PPP1CB: variants seen among roughly 807,000 people sequenced by gnomAD.
PPP1CB encodes serine/threonine-protein phosphatase PP1-beta catalytic subunit.
In PPP1CB, 2 loss-of-function variants were observed where a neutral mutation model predicts 43.7. The ratio of observed to expected loss-of-function variants is 0.05; its 90% CI spans 0.02 to 0.14. PPP1CB has a LOEUF of 0.14. PPP1CB is among the 10% of genes least tolerant of loss of function. The pLI, the probability that PPP1CB is intolerant of heterozygous loss-of-function variation, is 1.00. For missense variants in PPP1CB, 84 were observed against 398.0 expected (o/e 0.21, Z 6.71); for synonymous variants, 136 against 135.6 (o/e 1.00, Z -0.02).
chr2:28,786,620 T>A (rs1035384556), intron 5 of PPP1CB, among the ~76,000 whole-genome samples: 1 of 151,562 alleles, frequency 6.6e-6, no homozygotes, highest in Non-Finnish European at 1.5e-5. Context: ...CCATCTCTAC[T>A]AAAAATTCGC....
intron 1 of PPP1CB, among the ~76,000 whole-genome samples, chr2:28,764,662 C>G (rs181258182): frequency 6.6e-6 from 1 of 151,860 alleles, no homozygotes; most frequent in Non-Finnish European, 1.5e-5. Flanking sequence ...TACCAGTGGT[C>G]AGTGAAGATT....
At chr2:28,761,170 G>C (rs549360641) in intron 1 of PPP1CB, among the ~76,000 whole-genome samples, 1 of 152,292 alleles carries the variant, frequency 6.6e-6, no homozygotes, top group South Asian at 2.1e-4. Context: ...GATTACTGGG[G>C]TGAGCCACCG....
At chr2:28,754,957 G>A (rs1226990662) in intron 1 of PPP1CB, among the ~76,000 whole-genome samples, 1 of 152,134 alleles carries the variant, frequency 6.6e-6, no homozygotes, top group Non-Finnish European at 1.5e-5. Flanking sequence ...GTATTAAATC[G>A]CAGATCAGCT....
chr2:28,757,694 A>G (rs905317636), intron 1 of PPP1CB, among the ~76,000 whole-genome samples: 10 of 152,174 alleles, frequency 6.6e-5, no homozygotes, highest in Non-Finnish European at 5.9e-5. Context: ...GAGGAGACAT[A>G]AGGTCGTGGC....
Position 28,785,013 on chromosome 2 carries a change from G to T in PPP1CB, c.592+1035G>T, listed in dbSNP as rs1485361647. Among the ~76,000 whole-genome samples, 91 of 144,192 alleles carry T rather than the reference G, an allele frequency of 6.3e-4. 1 individual carries two copies. The highest frequency in any genetic ancestry group is 2.2e-3 in the African/African-American group (88 of 39,204). The allele number at this position is 144,192 out of a possible 152,430, so 94.6% of individuals were successfully genotyped here. On this transcript the variant is annotated intron_variant, in intron 5 of 7. Coordinates refer to ENST00000395366, the MANE Select transcript of PPP1CB (RefSeq NM_002709.3). The stretch of plus-strand genomic sequence containing the variant: ...CCATTATAAATGGTATAGATCCTCT[G>T]ATGTCAGTAGCCATGTAATACACTG...
intron 1 of PPP1CB, among the ~76,000 whole-genome samples, chr2:28,761,572 C>T (rs2148457743): frequency 6.6e-6 from 1 of 152,272 alleles, no homozygotes; most frequent in Non-Finnish European, 1.5e-5. Flanking sequence ...GCTCTTTGTG[C>T]CACTGAGTCC....
intron 1 of PPP1CB, among the ~76,000 whole-genome samples, chr2:28,766,701 C>A (rs1666783843): frequency 6.6e-6 from 1 of 152,168 alleles, no homozygotes; most frequent in Non-Finnish European, 1.5e-5. Flanking sequence ...AACCATTTGG[C>A]TTGTTTTTTA....
chr2:28,783,786 C>A (rs1667205562), intron 4 of PPP1CB, 121 bp from the exon 5 acceptor site: 5 of 644,452 alleles, frequency 7.8e-6, no homozygotes, highest in Admixed American at 2.9e-5. Context: ...AAAAGGAACA[C>A]TTTTCAGTAT....
chr2:28,778,298 C>T (rs900923202), intron 2 of PPP1CB: 30 of 464,790 alleles, frequency 6.5e-5, no homozygotes, highest in South Asian at 4.7e-4. Context: ...CATTCCAAAA[C>T]TTTGTGGCTT....
intron 5 of PPP1CB, among the ~76,000 whole-genome samples, chr2:28,785,750 G>A (rs573427358): frequency 5.3e-5 from 8 of 152,170 alleles, no homozygotes; most frequent in East Asian, 1.9e-4. Context: ...TTGAGGCTGC[G>A]GTGACCTGTG....
chr2:28,776,176 A>C (rs554405809), intron 1 of PPP1CB, among the ~76,000 whole-genome samples: 1 of 149,990 alleles, frequency 6.7e-6, no homozygotes, highest in East Asian at 1.9e-4. Flanking sequence ...ACTAGATGCG[A>C]GATAAGCAGG....
chr2:28,785,065 CTTTT>C (rs769650329), intron 5 of PPP1CB, among the ~76,000 whole-genome samples: 68 of 54,964 alleles, frequency 1.2e-3, no homozygotes, highest in South Asian at 3.4e-3. Context: ...GTGTTAGGAG[CTTTT>C]TTTTTTTTTT....
chr2:28,796,276 C>G (rs1157386558), intron 7 of PPP1CB, among the ~76,000 whole-genome samples: 1 of 152,078 alleles, frequency 6.6e-6, no homozygotes, highest in Non-Finnish European at 1.5e-5. Context: ...TATTCGGGCT[C>G]TTTTTCAATT....
chr2:28,787,660 G>A (rs1453481845), intron 5 of PPP1CB, among the ~76,000 whole-genome samples: 2 of 152,134 alleles, frequency 1.3e-5, no homozygotes, highest in Non-Finnish European at 2.9e-5. Flanking sequence ...TACTGCCCTT[G>A]TTCATGGCAC....
chr2:28,783,756 C>T (rs1188126035), intron 4 of PPP1CB, 151 bp from the exon 5 acceptor site: 5 of 542,800 alleles, frequency 9.2e-6, no homozygotes, highest in East Asian at 6.5e-5. Flanking sequence ...GATTCTGTCT[C>T]GAAAAAAAAA....
rs2148065263 is a variant in PPP1CB, at chr2:28,800,694, T to C, written c.*1391T>C. ...TTACAGGACACAGATTTGTGATTCT[T>C]TGACTGTGACACTATTGGATGTGAT... On this transcript the variant is annotated 3_prime_UTR_variant, in exon 8 of 8. Coordinates refer to ENST00000395366, the MANE Select transcript of PPP1CB (RefSeq NM_002709.3). 1.3e-5 allele frequency: 2 copies of C among 152,634 alleles called. No individual in the cohort carries two copies. Among genetic ancestry groups the C allele is most frequent in the South Asian group, 4.1e-4 (2 of 4,826 alleles). The allele number at this position is 152,634 out of a possible 1,614,324, so 9.5% of individuals were successfully genotyped here. A position where few individuals can be genotyped will look rare whatever the true frequency, so the allele number is the denominator to read the frequency against.
At chr2:28,775,244 A>T (rs1667010281) in intron 1 of PPP1CB, among the ~76,000 whole-genome samples, 3 of 152,040 alleles carry the variant, frequency 2.0e-5, no homozygotes, top group African/African-American at 7.2e-5. Context: ...AGTAGCTGGG[A>T]CCACAAGCAT....
chr2:28,769,253 G>A (rs1251269351), intron 1 of PPP1CB, among the ~76,000 whole-genome samples: 1 of 152,154 alleles, frequency 6.6e-6, no homozygotes, highest in Non-Finnish European at 1.5e-5. Context: ...TATTTATTTT[G>A]AGATGGAGTT....
Position 28,799,816 on chromosome 2 carries a change from T to C in PPP1CB, c.*513T>C, listed in dbSNP as rs1391488339. The C allele has an allele frequency of 1.3e-5, 2 of 152,606 alleles. No individual in the cohort carries two copies. Among genetic ancestry groups the C allele is most frequent in the African/African-American group, 4.8e-5 (2 of 41,458 alleles). The allele number at this position is 152,606 out of a possible 1,614,324, so 9.5% of individuals were successfully genotyped here. A position where few individuals can be genotyped will look rare whatever the true frequency, so the allele number is the denominator to read the frequency against. ...TCACCAACTATTATTTTCCCTTGTTTATCTACTTAGATATCTGTTTAATCT... is the reference window on the plus strand; with the variant it reads ...TCACCAACTATTATTTTCCCTTGTTCATCTACTTAGATATCTGTTTAATCT... On this transcript the variant is annotated 3_prime_UTR_variant, in exon 8 of 8. Coordinates refer to ENST00000395366, the MANE Select transcript of PPP1CB (RefSeq NM_002709.3).
Sources: gnomAD v4.1 joint callset for allele counts (sites outside exome capture counted in the v4.1 genomes callset) on GRCh38, gnomAD v4.1.1 for gene constraint, MANE v1.5 for transcripts, NCBI Gene and HGNC (gene_info 2026-07-23, HGNC 2026-07-21) for gene names.